Variants in ZNF821 observed in about 807,000 individuals in gnomAD.
ZNF821 encodes zinc finger protein 821.
ZNF821 carries 16 observed loss-of-function variants against 44.3 expected under a neutral mutation model. That is an observed-to-expected ratio of 0.36 (90% CI 0.24 to 0.55). The LOEUF is 0.55. Ranked by LOEUF, ZNF821 falls within the 20% of genes least tolerant of loss-of-function variation. The pLI is 0.86. For synonymous variants in ZNF821, 204 were observed against 197.6 expected, an observed-to-expected ratio of 1.03 and a Z score of -0.27; for missense variants, 436 against 547.6, an observed-to-expected ratio of 0.80 and a Z score of 2.03.
At chr16:71,874,492 C>T (rs1363406598) in intron 3 of ZNF821, among the ~76,000 whole-genome samples, 2 of 151,994 alleles carry the variant, frequency 1.3e-5, no homozygotes, top group African/African-American at 4.8e-5. Flanking sequence ...CTCATTCTGT[C>T]GTCCAGGCTG....
At chr16:71,872,590 G>C (rs2035334507) in intron 3 of ZNF821, among the ~76,000 whole-genome samples, 1 of 152,166 alleles carries the variant, frequency 6.6e-6, no homozygotes, top group Admixed American at 6.5e-5. Context: ...TCCAGCCTGG[G>C]CGACAGAGCG....
At chr16:71,875,366 C>G (rs2142431065) in intron 3 of ZNF821, among the ~76,000 whole-genome samples, 1 of 152,238 alleles carries the variant, frequency 6.6e-6, no homozygotes, top group Non-Finnish European at 1.5e-5. Flanking sequence ...ACTGCAACCT[C>G]TGCTTCCCAG....
intron 3 of ZNF821, among the ~76,000 whole-genome samples, chr16:71,875,447 A>G (rs1391299345): frequency 6.9e-6 from 1 of 144,536 alleles, no homozygotes; most frequent in African/African-American, 2.5e-5. Flanking sequence ...ATGCCCAGCT[A>G]ATTTTTTTCT....
At position 71,859,827 on chromosome 16, in the gene ZNF821, C is replaced by G. The variant is rs1321015654; in HGVS notation, c.*191G>C. The G allele has an allele frequency of 1.5e-6, 1 of 653,704 alleles. No individual in the cohort carries two copies. The highest frequency in any genetic ancestry group is 2.5e-6 in the Non-Finnish European group (1 of 392,520). The allele number at this position is 653,704 out of a possible 1,614,324, so 40.5% of individuals were successfully genotyped here. ...CTCCCTTGTCCAGAGCTGCCTTGAG[C>G]CAGGTCCCTCCTGACCCCATCATCC... is the stretch of plus-strand genomic sequence containing the variant. On this transcript the variant is annotated 3_prime_UTR_variant, in exon 8 of 8. Coordinates refer to ENST00000425432, the MANE Select transcript of ZNF821 (RefSeq NM_001201552.2).
At chr16:71,865,132 A>G (rs1277027675) in intron 4 of ZNF821, 84 bp from the exon 5 acceptor site, 8 of 1,526,256 alleles carry the variant, frequency 5.2e-6, no homozygotes, top group Non-Finnish European at 7.2e-6. Context: ...TGGCAGTTAC[A>G]ATAGAAAACA....
intron 1 of ZNF821, among the ~76,000 whole-genome samples, chr16:71,892,178 CAAAAAAAAAAAAAAAAAA>C (rs560376648): frequency 6.3e-5 from 2 of 31,938 alleles, no homozygotes; most frequent in South Asian, 3.6e-3. Flanking sequence ...AACTCCGTCT[CAAAAAAAAAAAAAAAAAA>C]AAAAAAAAAA....
intron 3 of ZNF821, among the ~76,000 whole-genome samples, chr16:71,877,116 A>G (rs895719141): frequency 4.6e-5 from 7 of 152,206 alleles, no homozygotes; most frequent in Non-Finnish European, 8.8e-5. Context: ...AGAATTTTAT[A>G]TGGAGGTTTG....
intron 2 of ZNF821, among the ~76,000 whole-genome samples, chr16:71,882,742 A>G (rs2036564347): frequency 6.6e-6 from 1 of 152,202 alleles, no homozygotes; most frequent in Non-Finnish European, 1.5e-5. Flanking sequence ...GCTGTTGAAA[A>G]TCAATAAGTA....
At chr16:71,877,205 G>A (rs1319763506) in intron 3 of ZNF821, among the ~76,000 whole-genome samples, 1 of 152,148 alleles carries the variant, frequency 6.6e-6, no homozygotes, top group Non-Finnish European at 1.5e-5. Context: ...TTCTACTCTT[G>A]AAGTAACCCA....
upstream of ZNF821, among the ~76,000 whole-genome samples, chr16:71,887,851 GTTGTCT>G (rs2036867331): frequency 1.4e-5 from 2 of 146,990 alleles, no homozygotes; most frequent in African/African-American, 5.0e-5. Context: ...TTTAAATTGA[GTTGTCT>G]TTTTTTTTTT....
chr16:71,872,795 T>C (rs1043781263), intron 3 of ZNF821, among the ~76,000 whole-genome samples: 37 of 152,298 alleles, frequency 2.4e-4, no homozygotes, highest in Admixed American at 2.2e-3. Context: ...ACTAAGCAAG[T>C]TGTGCTTTTT....
chr16:71,864,829 G>C, intron 5 of ZNF821, 74 bp downstream of exon 5: 4 of 1,583,310 alleles, frequency 2.5e-6, no homozygotes, highest in Non-Finnish European at 3.4e-6. Flanking sequence ...CTGTGCCACA[G>C]GGGTGAGCAG....
At chr16:71,887,845 A>G (rs1212345102), upstream of ZNF821, among the ~76,000 whole-genome samples, 1 of 151,044 alleles carries the variant, frequency 6.6e-6, no homozygotes, top group Non-Finnish European at 1.5e-5. Flanking sequence ...CCTATTTTTA[A>G]ATTGAGTTGT....
chr16:71,894,376 C>T (rs753397078), intron 1 of ZNF821: 44 of 153,100 alleles, frequency 2.9e-4, no homozygotes, highest in Non-Finnish European at 5.8e-4. Context: ...CCTCAGCCTC[C>T]GGAGTAGCTG....
chr16:71,890,799 TCTCA>T (rs1307534327), intron 1 of ZNF821: 1 of 92,890 alleles, frequency 1.1e-5, no homozygotes, highest in Non-Finnish European at 1.9e-5. Context: ...TGAGAGGGAG[TCTCA>T]CTCTGTCACC....
rs989265306 is a variant in ZNF821, at chr16:71,879,767, C to A, written c.40+140G>T. On this transcript the variant is annotated intron_variant, in intron 3 of 7. Transcript: ENST00000425432. ...CCTTTTTCTTTCTTTCTTTTTTTCT[C>A]TTCTGCTCAGCAAACTGTGTTTTAC... 3.7e-6 allele frequency: 3 copies of A among 808,190 alleles called. No individual in the cohort carries two copies. In the African/African-American group the frequency reaches 5.3e-5, roughly 14 times the overall value. 50.1% of individuals were successfully genotyped at this position (808,190 alleles called of 1,614,324 possible).
chr16:71,877,230 A>C (rs2035919167), intron 3 of ZNF821, among the ~76,000 whole-genome samples: 2 of 152,120 alleles, frequency 1.3e-5, no homozygotes, highest in Admixed American at 1.3e-4. Context: ...GATTCAGATA[A>C]AGTGCATAGT....
chr16:71,870,522 C>A (rs2035071941), intron 3 of ZNF821, among the ~76,000 whole-genome samples: 1 of 146,204 alleles, frequency 6.8e-6, no homozygotes, highest in Non-Finnish European at 1.5e-5. Flanking sequence ...ACAAGAGTCT[C>A]AGGCTGGAGT....
chr16:71,870,428 T>C (rs1265441097), intron 3 of ZNF821, among the ~76,000 whole-genome samples: 2 of 150,262 alleles, frequency 1.3e-5, no homozygotes, highest in African/African-American at 4.9e-5. Context: ...AGAAGTGAAA[T>C]ACTTAATTTC....
Sources: gnomAD v4.1 joint callset for allele counts (sites outside exome capture counted in the v4.1 genomes callset) on GRCh38, gnomAD v4.1.1 for gene constraint, MANE v1.5 for transcripts, NCBI Gene and HGNC (gene_info 2026-07-23, HGNC 2026-07-21) for gene names.